FRMPD4: variants seen among roughly 807,000 people sequenced by gnomAD.
The protein encoded by FRMPD4 is FERM and PDZ domain containing 4.
In FRMPD4, 22 loss-of-function variants were observed where a neutral mutation model predicts 94.1. The observed-to-expected ratio is 0.23, with a 90% CI of 0.17 to 0.33. FRMPD4 has a LOEUF of 0.33. Ranked by LOEUF, FRMPD4 falls within the 10% of genes least tolerant of loss-of-function variation. The pLI, the probability that FRMPD4 is intolerant of heterozygous loss-of-function variation, is 1.00. For synonymous variants in FRMPD4, 631 were observed against 548.6 expected (o/e 1.15, Z -2.10); for missense variants, 1,111 against 1,339.9 (o/e 0.83, Z 2.67).
chrX:12,569,398 C>A lies in FRMPD4; in HGVS notation c.159-40323C>A, dbSNP rs185031019. On this transcript the variant is annotated intron_variant, in intron 2 of 16. Transcript: ENST00000675598. ...GCTTTTAAGCTGAAAGTCAGGAAAC[C>A]CAGAGTTCAGATTTTTTCTCTCCTT... Among the ~76,000 whole-genome samples the A allele has an allele frequency of 2.1e-4, 23 of 111,160 alleles. No individual in the cohort carries two copies. The South Asian group carries it at 8.4e-3, about 41-fold the overall frequency.
At chrX:12,588,101 G>T (rs1197015587) in intron 2 of FRMPD4, among the ~76,000 whole-genome samples, 1 of 112,024 alleles carries the variant, frequency 8.9e-6, no homozygotes, top group African/African-American at 3.2e-5. Flanking sequence ...CGATTCTCCT[G>T]CCTCAGCCTC....
intron 1 of FRMPD4, among the ~76,000 whole-genome samples, chrX:12,195,467 G>A (rs2056555727): frequency 8.9e-6 from 1 of 112,147 alleles, no homozygotes; most frequent in African/African-American, 3.2e-5. Flanking sequence ...CCCTGGATGA[G>A]GCCACATAAG....
chrX:11,827,355 A>G (rs1488744597), intron 1 of FRMPD4, among the ~76,000 whole-genome samples: 1 of 109,335 alleles, frequency 9.1e-6, no homozygotes, highest in East Asian at 2.9e-4. Flanking sequence ...AGTTTAGTTT[A>G]GTTCAAATGA....
chrX:12,095,453 A>G (rs151014495), intron 3 of FRMPD4, among the ~76,000 whole-genome samples: 1,128 of 111,474 alleles, frequency 0.01, 14 homozygotes, highest in African/African-American at 0.034. Context: ...CATTAAATAA[A>G]TTTCAATTGA....
At chrX:12,080,278 TG>T (rs1258892803) in intron 3 of FRMPD4, among the ~76,000 whole-genome samples, 2 of 112,792 alleles carry the variant, frequency 1.8e-5, no homozygotes, top group East Asian at 5.5e-4. Context: ...CTTGTTTTCC[TG>T]GTGTCATTAT....
chrX:12,031,358 G>T (rs1339636280), intron 3 of FRMPD4, among the ~76,000 whole-genome samples: 2 of 112,123 alleles, frequency 1.8e-5, no homozygotes, highest in Non-Finnish European at 3.8e-5. Flanking sequence ...CAAACTTGGA[G>T]GAATAAAAGA....
At chrX:12,450,822 A>T (rs1330558644) in intron 1 of FRMPD4, among the ~76,000 whole-genome samples, 2 of 104,858 alleles carry the variant, frequency 1.9e-5, no homozygotes, top group African/African-American at 3.5e-5. Context: ...AAATCAATGG[A>T]AATAACTCTT....
chrX:12,510,952 G>A (rs1228873362), intron 2 of FRMPD4, among the ~76,000 whole-genome samples: 2 of 112,010 alleles, frequency 1.8e-5, no homozygotes, highest in Non-Finnish European at 3.8e-5. Context: ...GCATGTTATA[G>A]CTGCAGTTCC....
At chrX:11,917,996 G>C (rs2054034235) in intron 3 of FRMPD4, among the ~76,000 whole-genome samples, 1 of 111,614 alleles carries the variant, frequency 9.0e-6, no homozygotes, top group Non-Finnish European at 1.9e-5. Context: ...AAGGTGACTA[G>C]AACATAGAAG....
chrX:12,156,122 C>T (rs1414804750), intron 1 of FRMPD4, among the ~76,000 whole-genome samples: 1 of 111,539 alleles, frequency 9.0e-6, no homozygotes. Context: ...GGGTGGAGGT[C>T]CTATTGGCAT....
intron 2 of FRMPD4, among the ~76,000 whole-genome samples, chrX:12,603,781 A>G (rs930102651): frequency 1.8e-5 from 2 of 110,392 alleles, no homozygotes; most frequent in African/African-American, 6.6e-5. Context: ...TTTTCAGCTC[A>G]TTAAACAAGG....
At chrX:12,712,809 C>G (rs2042010169) in intron 14 of FRMPD4, among the ~76,000 whole-genome samples, 1 of 111,805 alleles carries the variant, frequency 8.9e-6, no homozygotes, top group Admixed American at 9.4e-5. Flanking sequence ...GGCATGGTGG[C>G]TCATGCCTGT....
intron 3 of FRMPD4, among the ~76,000 whole-genome samples, chrX:11,987,252 C>T (rs2054436478): frequency 9.1e-6 from 1 of 109,896 alleles, no homozygotes; most frequent in South Asian, 3.9e-4. Context: ...TGTAGAGATT[C>T]AAGGATGGTT....
intron 14 of FRMPD4, among the ~76,000 whole-genome samples, chrX:12,715,007 C>T (rs890675689): frequency 2.7e-5 from 3 of 112,294 alleles, no homozygotes; most frequent in East Asian, 2.8e-4. Context: ...GGTAAAACTG[C>T]ACTTTTTTCC....
rs1450020263 is a variant in FRMPD4, at chrX:12,331,723, TAG to T, written c.42-166956_42-166955del. ...AAATATATAATATATAATTTATATA[TAG>T]TATATAAATATATAATTTATATATT... On this transcript the variant is annotated intron_variant, in intron 1 of 16. Transcript: ENST00000675598. Among the ~76,000 whole-genome samples the T allele has an allele frequency of 1.7e-4, 10 of 59,694 alleles. 1 individual carries two copies. The East Asian group carries it at 1.7e-3, about 10-fold the overall frequency. 51.8% of individuals were successfully genotyped at this position (59,694 alleles called of 115,157 possible).
intron 1 of FRMPD4, among the ~76,000 whole-genome samples, chrX:12,156,179 A>G (rs2055933021): frequency 9.0e-6 from 1 of 111,564 alleles, no homozygotes; most frequent in South Asian, 3.8e-4. Flanking sequence ...CGTGAGTAAA[A>G]CAGTTTTACA....
chrX:12,039,126 C>T (rs2147440633), intron 3 of FRMPD4, among the ~76,000 whole-genome samples: 1 of 110,529 alleles, frequency 9.0e-6, no homozygotes, highest in East Asian at 2.8e-4. Context: ...CCTCAGCTTC[C>T]CAGGTAGCTG....
chrX:12,294,010 T>A (rs2054730745), intron 1 of FRMPD4, among the ~76,000 whole-genome samples: 1 of 112,030 alleles, frequency 8.9e-6, no homozygotes, highest in African/African-American at 3.2e-5. Flanking sequence ...TAAGACATGG[T>A]CTTTTGAACC....
At position 12,723,639 on chromosome X, in the gene FRMPD4, T is replaced by C. The variant is rs1331287362; in HGVS notation, c.*1781T>C. 8.9e-6 allele frequency: 1 copy of C among 111,887 alleles called. No individual in the cohort carries two copies. Among genetic ancestry groups the C allele is most frequent in the Non-Finnish European group, 1.9e-5 (1 of 53,168 alleles). The allele number at this position is 111,887 out of a possible 1,213,427, so 9.2% of individuals were successfully genotyped here. ...GTAAATATCATTCTGTGTACTAAAA[T>C]CCTAACCTATTAATAGGATGTGTGC... On this transcript the variant is annotated 3_prime_UTR_variant, in exon 17 of 17. Transcript: ENST00000675598.
Sources: gnomAD v4.1 joint callset for allele counts (sites outside exome capture counted in the v4.1 genomes callset) on GRCh38, gnomAD v4.1.1 for gene constraint, MANE v1.5 for transcripts, NCBI Gene and HGNC (gene_info 2026-07-23, HGNC 2026-07-21) for gene names.